PARD6G: variants seen among roughly 807,000 people sequenced by gnomAD.
PARD6G encodes the protein par-6 family cell polarity regulator gamma.
A neutral mutation model predicts 10.7 loss-of-function variants in PARD6G; 7 were observed. The ratio of observed to expected loss-of-function variants is 0.66; its 90% CI spans 0.37 to 1.23. PARD6G has a LOEUF of 1.23. PARD6G is among the 50% of genes most tolerant of loss of function. The pLI is 0.02. For synonymous variants in PARD6G, 287 were observed against 269.4 expected (o/e 1.07, Z -0.64); for missense variants, 548 against 571.8 (o/e 0.96, Z 0.42).
At position 80,160,453 on chromosome 18, in the gene PARD6G, TC is replaced by T; in HGVS notation, c.448del (p.Asp150ThrfsTer33). 1.3e-6 allele frequency: 2 copies of T among 1,576,296 alleles called. No individual in the cohort carries two copies. The highest frequency in any genetic ancestry group is 1.7e-6 in the Non-Finnish European group (2 of 1,160,972). On this transcript the variant is annotated frameshift_variant, in exon 3 of 3. Coordinates refer to ENST00000353265, the MANE Select transcript of PARD6G (RefSeq NM_032510.4). LOFTEE classifies it low-confidence loss of function (END_TRUNC). Reference protein sequence around the residue: ...FRPVSSIIDVDLVPETHRRVR... With the variant: ...FRPVSSIIDVXLVPETHRRVR... ...TCGCCGGTGCGTCTCGGGGACCAGG[TC>T]CACATCGATGATGGATGATACGGGG...
Position 80,184,480 on chromosome 18 carries a change from CGGGAGCAAGGCGGTGAAACCCGCAGA to C in PARD6G, c.295+18204_295+18229del, listed in dbSNP as rs1196311727. The C allele has an allele frequency of 1.7e-4, 25 of 151,510 alleles. No individual in the cohort carries two copies. The highest frequency in any genetic ancestry group is 1.0e-3 in the Admixed American group (15 of 15,046). The allele number at this position is 151,510 out of a possible 1,614,324, so 9.4% of individuals were successfully genotyped here. A position where few individuals can be genotyped will look rare whatever the true frequency, so the allele number is the denominator to read the frequency against. ...GGGAGCAAGGCCGTGAAACCTGCAG[CGGGAGCAAGGCGGTGAAACCCGCAGA>C]GGGAGCAAGGCCGTGAAACCCGCAG... On this transcript the variant is annotated intron_variant, in intron 2 of 2. Coordinates refer to ENST00000353265, the MANE Select transcript of PARD6G (RefSeq NM_032510.4). This position sits in a 1 kb window ranked among gnomAD's most constrained non-coding sequence, Gnocchi z 4.5.
At chr18:80,187,536 T>A (rs1336211170) in intron 2 of PARD6G, among the ~76,000 whole-genome samples, 3 of 152,162 alleles carry the variant, frequency 2.0e-5, no homozygotes, top group Admixed American at 2.0e-4. Context: ...TCATCGCAAT[T>A]CAGGCATTGT....
chr18:80,220,671 C>T (rs1044214469), intron 1 of PARD6G, among the ~76,000 whole-genome samples: 1 of 151,624 alleles, frequency 6.6e-6, no homozygotes, highest in African/African-American at 2.4e-5. Context: ...AGTGCAGTGG[C>T]ATAATCTTGG....
intron 2 of PARD6G, among the ~76,000 whole-genome samples, chr18:80,198,537 C>A (rs935481558): frequency 6.6e-6 from 1 of 152,172 alleles, no homozygotes; most frequent in African/African-American, 2.4e-5. Flanking sequence ...GTGACAGGCC[C>A]AGCTAGTCCC....
chr18:80,161,413 A>C lies in PARD6G; in HGVS notation c.296-807T>G, dbSNP rs1292047565. ...GCATGACACATTTGTGGCAGTGTGT[A>C]AACTTTACCCTAAAGTTGGGCTACT... On this transcript the variant is annotated intron_variant, in intron 2 of 2. Transcript: ENST00000353265. This position sits in a 1 kb window ranked among gnomAD's most constrained non-coding sequence, Gnocchi z 4.6. Among the ~76,000 whole-genome samples, 2 of 152,100 alleles carry C rather than the reference A, an allele frequency of 1.3e-5. No homozygotes were observed. The highest frequency in any genetic ancestry group is 2.9e-5 in the Non-Finnish European group (2 of 68,022).
intron 2 of PARD6G, among the ~76,000 whole-genome samples, chr18:80,164,671 T>C (rs2052723306): frequency 6.6e-6 from 1 of 152,208 alleles, no homozygotes; most frequent in Admixed American, 6.5e-5. Context: ...TCAACGTAGG[T>C]TCTATTTTCC....
intron 2 of PARD6G, among the ~76,000 whole-genome samples, chr18:80,196,750 C>CGT (rs1966959442): frequency 6.6e-6 from 1 of 152,138 alleles, no homozygotes; most frequent in Non-Finnish European, 1.5e-5. Context: ...AGGGGGGCCT[C>CGT]TGGCTCTGTT....
Position 80,159,623 on chromosome 18 carries a change from T to G in PARD6G, c.*148A>C. 1 of 1,205,012 alleles carries G rather than the reference T, an allele frequency of 8.3e-7. No homozygotes were observed. The highest frequency in any genetic ancestry group is 1.1e-6 in the Non-Finnish European group (1 of 941,118). 74.6% of individuals were successfully genotyped at this position (1,205,012 alleles called of 1,614,324 possible). A position where few individuals can be genotyped will look rare whatever the true frequency, so the allele number is the denominator to read the frequency against. On this transcript the variant is annotated 3_prime_UTR_variant, in exon 3 of 3. Transcript: ENST00000353265. ...GAAATTCTATAAAAATAGGCAATAC[T>G]TGTGTTTTTATATCCGGAAGTTGAA...
rs905699493 is a variant in PARD6G, at chr18:80,160,007, T to C, written c.895A>G (p.Asn299Asp). The C allele has an allele frequency of 3.9e-6, 6 of 1,526,956 alleles. No individual in the cohort carries two copies. Among genetic ancestry groups the C allele is most frequent in the Non-Finnish European group, 5.2e-6 (6 of 1,144,382 alleles). 94.6% of individuals were successfully genotyped at this position (1,526,956 alleles called of 1,614,324 possible). A position where few individuals can be genotyped will look rare whatever the true frequency, so the allele number is the denominator to read the frequency against. ...HPDEAESDED[N>D]DVVIEGTLEP... ...AGTGTGCCCTCGATGACGACGTCGTTGTCCTCATCGCTCTCCGCCTCGTCG... is the reference window on the plus strand; with the variant it reads ...AGTGTGCCCTCGATGACGACGTCGTCGTCCTCATCGCTCTCCGCCTCGTCG... The change falls in exon 3 of 3, where the codon AAC (asparagine) becomes GAC (aspartate). Residue 299 changes from asparagine (N) to aspartate (D), a missense_variant. By Grantham distance (23) the Asn-to-Asp change is conservative. Coordinates refer to ENST00000353265, the MANE Select transcript of PARD6G (RefSeq NM_032510.4).
chr18:80,239,377 G>T (rs1295094037), intron 1 of PARD6G, among the ~76,000 whole-genome samples: 2 of 152,092 alleles, frequency 1.3e-5, no homozygotes, highest in African/African-American at 2.4e-5. Context: ...GGGTACCCTG[G>T]GCTACACTGG....
At chr18:80,187,037 T>C (rs533828874) in intron 2 of PARD6G, among the ~76,000 whole-genome samples, 1 of 151,198 alleles carries the variant, frequency 6.6e-6, no homozygotes, top group East Asian at 1.9e-4. Context: ...AGGTGGAGCT[T>C]GCAGTGAGCC....
chr18:80,215,628 A>C (rs1353534117), intron 1 of PARD6G, among the ~76,000 whole-genome samples: 2 of 152,168 alleles, frequency 1.3e-5, no homozygotes, highest in Non-Finnish European at 2.9e-5. Flanking sequence ...AGCCATCACT[A>C]AGAAAATACA....
At chr18:80,172,056 C>CATA (rs571196262) in intron 2 of PARD6G, among the ~76,000 whole-genome samples, 103 of 152,342 alleles carry the variant, frequency 6.8e-4, no homozygotes, top group African/African-American at 2.3e-3. Context: ...GCTGGATATA[C>CATA]ACCTAGGGGT....
chr18:80,189,812 A>G lies in PARD6G; in HGVS notation c.295+12898T>C, dbSNP rs983948301. The stretch of plus-strand genomic sequence containing the variant: ...ACTCGATCAGTTTTTAAACACCTAG[A>G]TAGAGGCTCAAAGGCAAATGAAATA... On this transcript the variant is annotated intron_variant, in intron 2 of 2. Coordinates refer to ENST00000353265, the MANE Select transcript of PARD6G (RefSeq NM_032510.4). This position sits in a 1 kb window ranked among gnomAD's most constrained non-coding sequence, Gnocchi z 5.5. Among the ~76,000 whole-genome samples the G allele has an allele frequency of 1.1e-4, 17 of 152,222 alleles. No homozygotes were observed. Among genetic ancestry groups the G allele is most frequent in the Non-Finnish European group, 1.9e-4 (13 of 68,046 alleles).
In PARD6G at chr18:80,201,712, G is replaced by A. The variant is rs1205568372; in HGVS notation, c.295+998C>T. ...AGCAGGGACGAGGAGCTGGCAGCAC[G>A]CTGCTCAGCATCACCCTCACAGAAA... On this transcript the variant is annotated intron_variant, in intron 2 of 2. Transcript: ENST00000353265. The surrounding 1 kb of genome is among the most constrained non-coding windows in gnomAD (Gnocchi z 5.9). Among the ~76,000 whole-genome samples, 3 of 152,234 alleles carry A rather than the reference G, an allele frequency of 2.0e-5. No individual in the cohort carries two copies. Among genetic ancestry groups the A allele is most frequent in the Admixed American group, 6.5e-5 (1 of 15,286 alleles).
intron 1 of PARD6G, among the ~76,000 whole-genome samples, chr18:80,220,561 A>C (rs1967217685): frequency 1.3e-5 from 2 of 152,138 alleles, no homozygotes; most frequent in African/African-American, 4.8e-5. Context: ...GTTAATAATA[A>C]AGGAAACTGG....
rs556844381 is a variant in PARD6G, at chr18:80,192,337, C to T, written c.295+10373G>A. Among the ~76,000 whole-genome samples, 13 of 152,350 alleles carry T rather than the reference C, an allele frequency of 8.5e-5. No homozygotes were observed. The South Asian group carries it at 2.1e-3, about 24-fold the overall frequency. ...AGCTCAAGGGGGTCTTGTTTAGCTG[C>T]CACTTGGGAGCAGATCTGTTTTGGA... On this transcript the variant is annotated intron_variant, in intron 2 of 2. Coordinates refer to ENST00000353265, the MANE Select transcript of PARD6G (RefSeq NM_032510.4). The surrounding 1 kb of genome is among the most constrained non-coding windows in gnomAD (Gnocchi z 4.9).
intron 1 of PARD6G, among the ~76,000 whole-genome samples, chr18:80,203,549 A>G (rs1447072237): frequency 6.6e-6 from 1 of 152,146 alleles, no homozygotes. Context: ...CTCATGTTGT[A>G]GGAAAAAGCA....
At chr18:80,173,512 C>G (rs1015496258) in intron 2 of PARD6G, among the ~76,000 whole-genome samples, 1 of 152,044 alleles carries the variant, frequency 6.6e-6, no homozygotes, top group Non-Finnish European at 1.5e-5. Flanking sequence ...GTAATCCCAG[C>G]TACTCGGGAG....
Sources: gnomAD v4.1 joint callset for allele counts (sites outside exome capture counted in the v4.1 genomes callset) on GRCh38, gnomAD v4.1.1 for gene constraint, Gnocchi (gnomAD v3.1) non-coding constraint, MANE v1.5 for transcripts, NCBI Gene and HGNC (gene_info 2026-07-23, HGNC 2026-07-21) for gene names.